MICALL1: variants seen among roughly 807,000 people sequenced by gnomAD.
MICALL1 encodes MICAL-like protein 1.
In MICALL1, 61 loss-of-function variants were observed where a neutral mutation model predicts 83.7. That is an observed-to-expected ratio of 0.73 (90% confidence interval 0.59 to 0.90). The LOEUF is 0.90. MICALL1 is among the 40% of genes least tolerant of loss of function. The pLI is 0.00. For synonymous variants in MICALL1, 481 were observed against 473.6 expected (o/e 1.02, Z -0.20); for missense variants, 1,066 against 1,152.0 (o/e 0.93, Z 1.08).
At position 37,941,484 on chromosome 22, in the gene MICALL1, A is replaced by C. The variant is rs1930434103; in HGVS notation, c.*654A>C. The C allele has an allele frequency of 6.6e-6, 1 of 152,454 alleles. No homozygotes were observed. Among genetic ancestry groups the C allele is most frequent in the Admixed American group, 6.5e-5 (1 of 15,286 alleles). 9.4% of individuals were successfully genotyped at this position (152,454 alleles called of 1,614,324 possible). A position where few individuals can be genotyped will look rare whatever the true frequency, so the allele number is the denominator to read the frequency against. On this transcript the variant is annotated 3_prime_UTR_variant, in exon 16 of 16. Transcript: ENST00000215957. ...CTTCCCTCGTCTCCCCTTACTCCAC[A>C]GGGAGCCTCCCTTGCCAGGACCAGG... is the stretch of plus-strand genomic sequence containing the variant.
chr22:37,922,216 G>A lies in MICALL1; in HGVS notation c.814G>A (p.Ala272Thr), dbSNP rs1172146183. The A allele has an allele frequency of 1.9e-6, 3 of 1,610,868 alleles. No individual in the cohort carries two copies. In the South Asian group the frequency reaches 3.3e-5, roughly 18 times the overall value. ...AGGGGCTGAGGCCGATGGACCCAAGGCCAGCCCTGAGGCCCGGCCGCAGAT... is the reference window on the plus strand; with the variant it reads ...AGGGGCTGAGGCCGATGGACCCAAGACCAGCCCTGAGGCCCGGCCGCAGAT... ...PAGAEADGPK[A>T]SPEARPQIPT... The change falls in exon 6 of 16, where the codon GCC (alanine) becomes ACC (threonine). Residue 272 changes from alanine to threonine, a missense_variant. Physicochemically the swap from Ala to Thr is moderately conservative, Grantham distance 58 (BLOSUM62 0). Transcript: ENST00000215957.
At chr22:37,937,722 C>T in intron 14 of MICALL1, 24 bp from the exon 15 acceptor site, 3 of 1,612,096 alleles carry the variant, frequency 1.9e-6, no homozygotes, top group Non-Finnish European at 2.5e-6. Context: ...CCACGCCCAG[C>T]TTAACTGCTG....
At chr22:37,925,106 C>T (rs968698860) in intron 7 of MICALL1, among the ~76,000 whole-genome samples, 2 of 152,162 alleles carry the variant, frequency 1.3e-5, no homozygotes, top group South Asian at 2.1e-4. Context: ...TCCTGCAGCA[C>T]GGGACCCTGC....
In MICALL1 at chr22:37,937,794, T is replaced by G; in HGVS notation, c.2470+2T>G. The G allele has an allele frequency of 6.2e-7, 1 of 1,613,250 alleles. No individual in the cohort carries two copies. The highest frequency in any genetic ancestry group is 8.5e-7 in the Non-Finnish European group (1 of 1,179,464). On this transcript the variant is annotated splice_donor_variant, in intron 15 of 15. Coordinates refer to ENST00000215957, the MANE Select transcript of MICALL1 (RefSeq NM_033386.4). LOFTEE classifies it high-confidence loss of function. ...TGGAAGCCATGATCAAGAAGAAAGG[T>G]GAGGCCCTTGCTGGGGATGAGGCTG...
At chr22:37,917,838 G>A (rs1569138333) in intron 4 of MICALL1, 43 bp downstream of exon 4, 4 of 1,562,830 alleles carry the variant, frequency 2.6e-6, no homozygotes, top group African/African-American at 2.7e-5. Flanking sequence ...GGGGTGGAGG[G>A]GGCGAGTTAT....
Position 37,917,728 on chromosome 22 carries a change from AG to A in MICALL1, c.362del (p.Gly121AlafsTer10), listed in dbSNP as rs765097421. 9.9e-6 allele frequency: 16 copies of A among 1,613,824 alleles called. No individual in the cohort carries two copies. The highest frequency in any genetic ancestry group is 1.4e-5 in the Non-Finnish European group (16 of 1,179,862). Reference protein sequence around the residue: ...PGQAGVSPPRKGLAPCSPPSV... With the variant: ...PGQAGVSPPRXGLAPCSPPSV... Reference sequence around the variant, plus strand: ...GCAGCTGGTGTCTCGCCACCCAGAAAGGGCCTTGCACCCTGTTCCCCGCCGT... The same window carrying A: ...GCAGCTGGTGTCTCGCCACCCAGAAAGGCCTTGCACCCTGTTCCCCGCCGT... On this transcript the variant is annotated frameshift_variant, in exon 4 of 16. Coordinates refer to ENST00000215957, the MANE Select transcript of MICALL1 (RefSeq NM_033386.4). LOFTEE classifies it high-confidence loss of function.
rs780361581 is a variant in MICALL1, at chr22:37,927,508, G to C, written c.1563G>C (p.Gln521His). ...GCCTGTCGTCTGAGAGCGCCAGCCA[G>C]ACTGCAGGTGCAGAGCTTCTGGAGC... The part of the protein sequence containing the change: ...VESLSSESAS[Q>H]TAGAELLEPP... The change falls in exon 9 of 16, where the codon CAG becomes CAC. Residue 521 changes from glutamine to histidine, a missense_variant. Transcript: ENST00000215957. 2.5e-6 allele frequency: 4 copies of C among 1,612,768 alleles called. No homozygotes were observed. The highest frequency in any genetic ancestry group is 2.7e-5 in the African/African-American group (2 of 74,932).
intron 15 of MICALL1, 116 bp downstream of exon 15, chr22:37,937,908 C>T: frequency 7.9e-7 from 1 of 1,261,296 alleles, no homozygotes; most frequent in South Asian, 1.3e-5. Context: ...TGGCTGTGCA[C>T]AAACTCCGCA....
intron 1 of MICALL1, among the ~76,000 whole-genome samples, chr22:37,911,130 G>A (rs556647409): frequency 2.0e-5 from 3 of 152,194 alleles, no homozygotes; most frequent in Non-Finnish European, 2.9e-5. Context: ...CAGCTGTCCC[G>A]TGCTGGGGCC....
chr22:37,923,632 C>G (rs1298554606), intron 6 of MICALL1, among the ~76,000 whole-genome samples: 1 of 152,216 alleles, frequency 6.6e-6, no homozygotes, highest in African/African-American at 2.4e-5. Flanking sequence ...ACCCAGGCCC[C>G]GCCCTTACAC....
chr22:37,934,562 T>G lies in MICALL1; in HGVS notation c.2308+1450T>G, dbSNP rs1177577758. Among the ~76,000 whole-genome samples the G allele has an allele frequency of 2.2e-5, 3 of 139,436 alleles. No homozygotes were observed. In the Admixed American group the frequency reaches 2.2e-4, roughly 10 times the overall value. The allele number at this position is 139,436 out of a possible 152,430, so 91.5% of individuals were successfully genotyped here. ...GCTGAGGGGGCTTCAGGATATTTAT[T>G]TATTTATTTTGGGGGGGGGTATTTA... On this transcript the variant is annotated intron_variant, in intron 13 of 15. Transcript: ENST00000215957.
intron 8 of MICALL1, chr22:37,927,202 CG>C: frequency 1.8e-6 from 1 of 555,358 alleles, no homozygotes; most frequent in Non-Finnish European, 3.1e-6. Context: ...GAACGCAAGG[CG>C]GGCGGGTTGG....
Position 37,924,522 on chromosome 22 carries a change from A to G in MICALL1, c.1025-138A>G. On this transcript the variant is annotated intron_variant, in intron 6 of 15. Coordinates refer to ENST00000215957, the MANE Select transcript of MICALL1 (RefSeq NM_033386.4). This position sits in a 1 kb window ranked among gnomAD's most constrained non-coding sequence, Gnocchi z 5.2. ...GCACCTGGGTGCTTATCTAATCTCCATGGGCTGGCCTGGGGAGGTGCGAGG... is the reference window on the plus strand; with the variant it reads ...GCACCTGGGTGCTTATCTAATCTCCGTGGGCTGGCCTGGGGAGGTGCGAGG... 1 of 744,182 alleles carries G rather than the reference A, an allele frequency of 1.3e-6. No individual in the cohort carries two copies. The highest frequency in any genetic ancestry group is 2.2e-6 in the Non-Finnish European group (1 of 459,862). The allele number at this position is 744,182 out of a possible 1,614,324, so 46.1% of individuals were successfully genotyped here. A position where few individuals can be genotyped will look rare whatever the true frequency, so the allele number is the denominator to read the frequency against.
Position 37,906,672 on chromosome 22 carries a change from C to A in MICALL1, c.146+104C>A. On this transcript the variant is annotated intron_variant, in intron 1 of 15. Transcript: ENST00000215957. The surrounding 1 kb of genome is among the most constrained non-coding windows in gnomAD (Gnocchi z 4.4). The stretch of plus-strand genomic sequence containing the variant: ...AGCCCGGGCGGTGACAGGCGCCGCC[C>A]CCGGACACGGAGACGCCGACCCCCC... 9.5e-7 allele frequency: 1 copy of A among 1,051,032 alleles called. No individual in the cohort carries two copies. Among genetic ancestry groups the A allele is most frequent in the Non-Finnish European group, 1.2e-6 (1 of 854,896 alleles). The allele number at this position is 1,051,032 out of a possible 1,614,324, so 65.1% of individuals were successfully genotyped here.
rs1930480055 is a variant in MICALL1, at chr22:37,942,464, T to C, written c.*1634T>C. 1 of 152,016 alleles carries C rather than the reference T, an allele frequency of 6.6e-6. No homozygotes were observed. Among genetic ancestry groups the C allele is most frequent in the Admixed American group, 6.6e-5 (1 of 15,256 alleles). 9.4% of individuals were successfully genotyped at this position (152,016 alleles called of 1,614,324 possible). On this transcript the variant is annotated 3_prime_UTR_variant, in exon 16 of 16. Coordinates refer to ENST00000215957, the MANE Select transcript of MICALL1 (RefSeq NM_033386.4). ...TAAGAAGCTAGAAATCCAGATTTTA[T>C]GTGTGTGTAATTTGTAAATGCTGAA...
intron 1 of MICALL1, among the ~76,000 whole-genome samples, chr22:37,911,012 C>T (rs898352873): frequency 1.3e-5 from 2 of 152,200 alleles, no homozygotes; most frequent in African/African-American, 2.4e-5. Flanking sequence ...AGGCTGCATG[C>T]GGATGCACCC....
chr22:37,906,615 G>C lies in MICALL1; in HGVS notation c.146+47G>C. On this transcript the variant is annotated intron_variant, in intron 1 of 15. Transcript: ENST00000215957. The surrounding 1 kb of genome is among the most constrained non-coding windows in gnomAD (Gnocchi z 4.4). Reference sequence around the variant, plus strand: ...AGCGGGCGGCGCGGGGCGGGCTGGGGCCGCGACCGCCGCCCCCCCTCAGTA... The same window carrying C: ...AGCGGGCGGCGCGGGGCGGGCTGGGCCCGCGACCGCCGCCCCCCCTCAGTA... 8.8e-7 allele frequency: 1 copy of C among 1,138,038 alleles called. No individual in the cohort carries two copies. The allele number at this position is 1,138,038 out of a possible 1,614,324, so 70.5% of individuals were successfully genotyped here.
At chr22:37,917,266 G>T (rs964285056) in intron 3 of MICALL1, among the ~76,000 whole-genome samples, 1 of 152,198 alleles carries the variant, frequency 6.6e-6, no homozygotes, top group South Asian at 2.1e-4. Context: ...CCCACTTGGG[G>T]ATAGGCAGGA....
intron 9 of MICALL1, 54 bp from the exon 10 acceptor site, chr22:37,931,745 G>T (rs1478780676): frequency 6.2e-7 from 1 of 1,602,944 alleles, no homozygotes; most frequent in Non-Finnish European, 8.5e-7. Flanking sequence ...GGCTGCTGGG[G>T]TCTCACGTGC....
Sources: gnomAD v4.1 joint callset for allele counts (sites outside exome capture counted in the v4.1 genomes callset) on GRCh38, gnomAD v4.1.1 for gene constraint, Gnocchi (gnomAD v3.1) non-coding constraint, MANE v1.5 for transcripts, NCBI Gene and HGNC (gene_info 2026-07-23, HGNC 2026-07-21) for gene names.